The following RANBP2 variants were observed in gnomAD, a reference collection of about 807,000 sequenced individuals.
RANBP2 encodes the protein RAN binding protein 2, also known as E3 SUMO-protein ligase RanBP2.
In RANBP2, 57 loss-of-function variants were observed where a neutral mutation model predicts 303.6. The observed-to-expected ratio is 0.19, with a 90% CI of 0.15 to 0.23. The LOEUF (loss-of-function observed/expected upper bound fraction) is 0.23. Among genes scored for constraint, RANBP2 ranks in the 10% least tolerant of loss-of-function variants. The pLI, the probability that RANBP2 is intolerant of heterozygous loss-of-function variation, is 1.00. For missense variants in RANBP2, 3,138 were observed against 3,780.8 expected, an observed-to-expected ratio of 0.83 and a Z score of 4.46; for synonymous variants, 1,167 against 1,301.5, an observed-to-expected ratio of 0.90 and a Z score of 2.23.
the RANBP2 span, among the ~76,000 whole-genome samples, chr2:109,355,921 G>A: frequency 6.6e-5 from 10 of 152,190 alleles, no homozygotes; most frequent in Non-Finnish European, 8.8e-5. Context: ...ACAAATCAGA[G>A]TCCTGTTGTG....
chr2:109,414,763 C>G, the RANBP2 span, among the ~76,000 whole-genome samples: 1 of 152,334 alleles, frequency 6.6e-6, no homozygotes, highest in South Asian at 2.1e-4. Flanking sequence ...TCTGTGGTCT[C>G]TTGTTCCTGT....
At chr2:108,938,475 T>C in the RANBP2 span, among the ~76,000 whole-genome samples, 1 of 152,342 alleles carries the variant, frequency 6.6e-6, no homozygotes, top group South Asian at 2.1e-4. Flanking sequence ...TCTGCACTCT[T>C]GGAGGATTGC....
the RANBP2 span, among the ~76,000 whole-genome samples, chr2:109,599,705 G>A: frequency 1.3e-5 from 2 of 152,260 alleles, no homozygotes; most frequent in African/African-American, 4.8e-5. Context: ...AGATCATCAA[G>A]ATGGGGAAAT....
At chr2:109,327,404 T>A in the RANBP2 span, among the ~76,000 whole-genome samples, 4 of 152,220 alleles carry the variant, frequency 2.6e-5, no homozygotes, top group Non-Finnish European at 4.4e-5. Flanking sequence ...AAACTATTCT[T>A]TTGTAATTAC....
the RANBP2 span, among the ~76,000 whole-genome samples, chr2:109,264,150 C>T: frequency 8.6e-4 from 127 of 148,392 alleles, 1 homozygote; most frequent in African/African-American, 3.0e-3. Flanking sequence ...TCTGTGGGTG[C>T]CCCCCATCCA....
At chr2:109,188,525 C>T in the RANBP2 span, among the ~76,000 whole-genome samples, 5 of 152,222 alleles carry the variant, frequency 3.3e-5, no homozygotes, top group African/African-American at 1.2e-4. Context: ...AAAGAGACCA[C>T]GTTCAGAGAA....
At chr2:109,369,835 C>G in the RANBP2 span, among the ~76,000 whole-genome samples, 1 of 152,222 alleles carries the variant, frequency 6.6e-6, no homozygotes, top group Admixed American at 6.5e-5. Context: ...ATTTCTTAGA[C>G]CCCACCAGCC....
At chr2:109,407,766 G>A in the RANBP2 span, among the ~76,000 whole-genome samples, 277 of 152,242 alleles carry the variant, frequency 1.8e-3, no homozygotes, top group African/African-American at 6.2e-3. Flanking sequence ...ATTGCATTGT[G>A]AGAATCTTAT....
chr2:108,861,172 A>G, the RANBP2 span, among the ~76,000 whole-genome samples: 4 of 151,278 alleles, frequency 2.6e-5, no homozygotes, highest in South Asian at 8.4e-4. Context: ...ATTAGCTGTA[A>G]TGTCACCTTT....
chr2:109,061,632 G>A, the RANBP2 span, among the ~76,000 whole-genome samples: 105 of 152,254 alleles, frequency 6.9e-4, no homozygotes, highest in African/African-American at 2.4e-3. Context: ...GCTAATAAAT[G>A]CAATAATAAG....
chr2:108,967,342 T>C, the RANBP2 span, among the ~76,000 whole-genome samples: 1 of 152,196 alleles, frequency 6.6e-6, no homozygotes, highest in Admixed American at 6.5e-5. Context: ...AGAATTTTTT[T>C]TACTTCAATA....
the RANBP2 span, chr2:109,567,719 A>G: frequency 8.4e-7 from 1 of 1,193,058 alleles, no homozygotes. Context: ...TCTTTTTGGA[A>G]GACACAAGTG....
chr2:108,930,269 C>T, the RANBP2 span: 6 of 1,613,898 alleles, frequency 3.7e-6, no homozygotes, highest in Non-Finnish European at 5.1e-6. Context: ...GTGTTGTGGC[C>T]TCCGTACCTC....
chr2:109,346,311 C>G, the RANBP2 span, among the ~76,000 whole-genome samples: 1 of 152,158 alleles, frequency 6.6e-6, no homozygotes, highest in African/African-American at 2.4e-5. Context: ...GTTGCTGAAA[C>G]ATAAATGTAG....
chr2:109,282,614 CCACCTCTCGCCTCCGTGGTGGGA>C, the RANBP2 span, among the ~76,000 whole-genome samples: 1 of 152,194 alleles, frequency 6.6e-6, no homozygotes, highest in Non-Finnish European at 1.5e-5. Flanking sequence ...TGCACGCACT[CCACCTCTCGCCTCCGTGGTGGGA>C]GACGTCCGGG....
the RANBP2 span, among the ~76,000 whole-genome samples, chr2:109,210,363 G>A: frequency 7.2e-5 from 11 of 152,212 alleles, no homozygotes; most frequent in Non-Finnish European, 1.5e-4. Context: ...GATCTGTGAA[G>A]TCCAAAGCGG....
At chr2:108,813,934 A>G in the RANBP2 span, among the ~76,000 whole-genome samples, 805 of 152,230 alleles carry the variant, frequency 5.3e-3, 4 homozygotes, top group Middle Eastern at 0.031. Context: ...GTTCCTTACT[A>G]TTGCTCAATA....
chr2:109,005,386 C>T, the RANBP2 span, among the ~76,000 whole-genome samples: 4 of 152,190 alleles, frequency 2.6e-5, no homozygotes, highest in Non-Finnish European at 4.4e-5. Flanking sequence ...CCTGGATCTC[C>T]CTCTCCAAGC....
chr2:108,853,914 GTA>G, the RANBP2 span, among the ~76,000 whole-genome samples: 20 of 109,624 alleles, frequency 1.8e-4, no homozygotes, highest in African/African-American at 2.6e-4. Context: ...ATATTATATA[GTA>G]TATATATTAT....
Sources: allele counts gnomAD v4.1 joint callset (sites outside exome capture counted in the v4.1 genomes callset), GRCh38; gene constraint gnomAD v4.1.1; transcripts MANE v1.5; gene names NCBI Gene and HGNC (gene_info 2026-07-23, HGNC 2026-07-21).